GPHN: variants seen among roughly 807,000 people sequenced by gnomAD.
GPHN encodes gephyrin.
A neutral mutation model predicts 95.5 loss-of-function variants in GPHN; 17 were observed. That is an observed-to-expected ratio of 0.18 (90% CI 0.12 to 0.27). The LOEUF (loss-of-function observed/expected upper bound fraction) is 0.27, where lower values mean the gene tolerates loss of function less well. GPHN is among the 10% of genes least tolerant of loss of function. The pLI is 1.00. For synonymous variants in GPHN, 320 were observed against 322.5 expected (o/e 0.99, Z 0.08); for missense variants, 660 against 978.1 (o/e 0.67, Z 4.34).
intron 16 of GPHN, among the ~76,000 whole-genome samples, chr14:67,116,926 T>C (rs2078731066): frequency 6.6e-6 from 1 of 152,218 alleles, no homozygotes; most frequent in Non-Finnish European, 1.5e-5. Flanking sequence ...TTAAAAGCTA[T>C]TTGCAACAGG....
the GPHN span, among the ~76,000 whole-genome samples, chr14:67,204,320 T>C: frequency 2.6e-5 from 4 of 152,006 alleles, no homozygotes; most frequent in African/African-American, 9.7e-5. Context: ...ATATCTGTTG[T>C]CCCAGCTACT....
At chr14:66,526,103 C>T (rs1023270950) in intron 1 of GPHN, among the ~76,000 whole-genome samples, 3 of 151,616 alleles carry the variant, frequency 2.0e-5, no homozygotes, top group African/African-American at 7.3e-5. Flanking sequence ...CATACTGATT[C>T]TCCCTATCCA....
At chr14:66,821,706 G>A (rs1436273864) in intron 3 of GPHN, among the ~76,000 whole-genome samples, 2 of 152,050 alleles carry the variant, frequency 1.3e-5, no homozygotes, top group East Asian at 1.9e-4. Flanking sequence ...CTGAATGATA[G>A]GATTTCTATT....
chr14:66,554,820 T>A (rs1196031824), intron 1 of GPHN, among the ~76,000 whole-genome samples: 1 of 152,200 alleles, frequency 6.6e-6, no homozygotes, highest in Non-Finnish European at 1.5e-5. Flanking sequence ...TGCTAGGATT[T>A]CATACATGCT....
chr14:66,549,723 AAAAG>A (rs1269582726), intron 1 of GPHN, among the ~76,000 whole-genome samples: 1 of 152,200 alleles, frequency 6.6e-6, no homozygotes, highest in Non-Finnish European at 1.5e-5. Context: ...GACAGGAAAA[AAAAG>A]CTTCAAAGGA....
chr14:66,665,035 G>A (rs1182522969), intron 1 of GPHN, among the ~76,000 whole-genome samples: 1 of 143,114 alleles, frequency 7.0e-6, no homozygotes, highest in East Asian at 2.0e-4. Context: ...CGGCTTCACA[G>A]CTGAATTCTA....
the GPHN span, among the ~76,000 whole-genome samples, chr14:67,400,848 G>A: frequency 9.5e-4 from 145 of 151,980 alleles, no homozygotes; most frequent in Middle Eastern, 3.4e-3. Context: ...AAATTAGCTG[G>A]GCATGGTGGC....
the GPHN span, among the ~76,000 whole-genome samples, chr14:67,699,083 T>G: frequency 2.0e-4 from 31 of 152,022 alleles, no homozygotes; most frequent in Non-Finnish European, 2.9e-4. Context: ...AAACCCCATC[T>G]CTACTAAAAA....
In GPHN at chr14:66,705,602, A is replaced by G. The variant is rs532233825; in HGVS notation, c.143+24417A>G. Among the ~76,000 whole-genome samples the G allele has an allele frequency of 3.3e-5, 5 of 152,342 alleles. No homozygotes were observed. The South Asian group carries it at 1.0e-3, about 32-fold the overall frequency. ...TGAATAGATGCAGAAAAGGCCTCTG[A>G]TAAAAGTCAAAATCCCTTCATATTA... On this transcript the variant is annotated intron_variant, in intron 2 of 22. Coordinates refer to ENST00000478722, the MANE Select transcript of GPHN (RefSeq NM_020806.5).
At chr14:66,933,400 T>C (rs1310739841) in intron 8 of GPHN, among the ~76,000 whole-genome samples, 1 of 152,200 alleles carries the variant, frequency 6.6e-6, no homozygotes, top group African/African-American at 2.4e-5. Flanking sequence ...GGAATATCTA[T>C]ATATACTATT....
chr14:67,600,714 G>A, the GPHN span, among the ~76,000 whole-genome samples: 1 of 152,174 alleles, frequency 6.6e-6, no homozygotes, highest in African/African-American at 2.4e-5. Flanking sequence ...TGAGTAGCTG[G>A]GATTACAGGC....
At chr14:66,896,827 AAAGAC>A (rs1252191795) in intron 5 of GPHN, among the ~76,000 whole-genome samples, 8 of 143,880 alleles carry the variant, frequency 5.6e-5, no homozygotes, top group Non-Finnish European at 8.9e-5. Context: ...AAAAAAAAAC[AAAGAC>A]AAGTAGAAGG....
intron 8 of GPHN, among the ~76,000 whole-genome samples, chr14:66,953,212 ATAT>A (rs2068238306): frequency 7.6e-6 from 1 of 131,366 alleles, no homozygotes; most frequent in South Asian, 2.4e-4. Context: ...AGTTCTTTAC[ATAT>A]TATCTGGATG....
chr14:67,108,864 T>C (rs1237919039), intron 13 of GPHN, among the ~76,000 whole-genome samples: 2 of 152,116 alleles, frequency 1.3e-5, no homozygotes, highest in African/African-American at 2.4e-5. Context: ...TATAGTTCAG[T>C]AGTGGTAAAT....
the GPHN span, among the ~76,000 whole-genome samples, chr14:67,407,661 G>A: frequency 2.6e-5 from 4 of 151,784 alleles, no homozygotes; most frequent in African/African-American, 7.3e-5. Context: ...GGCTGCTCTC[G>A]AACTCCTGGC....
At chr14:67,553,624 A>G in the GPHN span, among the ~76,000 whole-genome samples, 3 of 152,340 alleles carry the variant, frequency 2.0e-5, no homozygotes, top group African/African-American at 7.2e-5. Context: ...TGCAGTACCA[A>G]CACTGGGGGC....
the GPHN span, among the ~76,000 whole-genome samples, chr14:67,503,705 T>A: frequency 1.3e-5 from 2 of 152,126 alleles, no homozygotes; most frequent in African/African-American, 4.8e-5. Context: ...ATTTTTATTT[T>A]TTATTTATTT....
chr14:67,513,914 C>A, the GPHN span, among the ~76,000 whole-genome samples: 2 of 152,324 alleles, frequency 1.3e-5, no homozygotes, highest in East Asian at 1.9e-4. Flanking sequence ...GGACCTGGAA[C>A]CTGGCCCATT....
the GPHN span, among the ~76,000 whole-genome samples, chr14:67,341,250 C>T: frequency 6.6e-6 from 1 of 151,440 alleles, no homozygotes; most frequent in African/African-American, 2.4e-5. Context: ...CCCGGCCGCC[C>T]ATCGTCTGAG....
Sources: gnomAD v4.1 joint callset for allele counts (sites outside exome capture counted in the v4.1 genomes callset) on GRCh38, gnomAD v4.1.1 for gene constraint, MANE v1.5 for transcripts, NCBI Gene and HGNC (gene_info 2026-07-23, HGNC 2026-07-21) for gene names.